The following UBR4 variants were observed in gnomAD, a reference collection of about 807,000 sequenced individuals.
The protein encoded by UBR4 is E3 ubiquitin-protein ligase UBR4.
In UBR4, 124 loss-of-function variants were observed where a neutral mutation model predicts 575.6. The ratio of observed to expected loss-of-function variants is 0.22; its 90% confidence interval spans 0.19 to 0.25. The LOEUF (loss-of-function observed/expected upper bound fraction) is 0.25. UBR4 is among the 10% of genes least tolerant of loss of function. The probability of loss-of-function intolerance (pLI) is 1.00; values close to 1 mark genes in which losing one functional copy is unlikely to be tolerated. For synonymous variants in UBR4, 2,455 were observed against 2,473.7 expected (o/e 0.99, Z 0.22); for missense variants, 4,818 against 6,478.8 (o/e 0.74, Z 8.80).
At chr1:19,119,744 C>A (rs777639308) in intron 69 of UBR4, 43 bp from the exon 70 acceptor site, 1 of 1,580,186 alleles carries the variant, frequency 6.3e-7, no homozygotes, top group East Asian at 2.3e-5. Context: ...AGCAGAAAAC[C>A]CTGAGGCACC....
Position 19,161,162 on chromosome 1 carries a change from T to G in UBR4, c.5176-15A>C. On this transcript the variant is annotated splice_polypyrimidine_tract_variant and intron_variant, in intron 37 of 105. Coordinates refer to ENST00000375254, the MANE Select transcript of UBR4 (RefSeq NM_020765.3). ...TTCACCAGAGCCTAGGGACAGAAAA[T>G]GTCAGAGTCCCTAAGTTCTTGCCTC... is the stretch of plus-strand genomic sequence containing the variant. The G allele has an allele frequency of 6.2e-7, 1 of 1,610,580 alleles. No homozygotes were observed. The highest frequency in any genetic ancestry group is 8.5e-7 in the Non-Finnish European group (1 of 1,178,036).
At chr1:19,104,392 C>G in intron 86 of UBR4, 135 bp from the exon 87 acceptor site, 1 of 1,241,492 alleles carries the variant, frequency 8.1e-7, no homozygotes, top group South Asian at 1.5e-5. Flanking sequence ...AGGTGTTCAA[C>G]AAGCGGAAAC....
At chr1:19,174,468 G>A (rs755766606) in intron 21 of UBR4, 21 bp from the exon 22 acceptor site, 3 of 1,603,450 alleles carry the variant, frequency 1.9e-6, no homozygotes, top group Non-Finnish European at 2.5e-6. Flanking sequence ...GAAAGAAAGA[G>A]AGTCATTTCC....
At chr1:19,096,779 C>A in intron 91 of UBR4, 129 bp from the exon 92 acceptor site, 1 of 1,362,398 alleles carries the variant, frequency 7.3e-7, no homozygotes, top group East Asian at 2.4e-5. Context: ...AATAAAGACA[C>A]GGCCAATAAA....
At position 19,088,858 on chromosome 1, in the gene UBR4, T is replaced by A; in HGVS notation, c.14331A>T (p.Val4777=). ...TGCGGGCTGCGTCAATCTTCTTGTTTACGTCAGGGTGTTCCCGCAGGGCTT... is the reference window on the plus strand; with the variant it reads ...TGCGGGCTGCGTCAATCTTCTTGTTAACGTCAGGGTGTTCCCGCAGGGCTT... The part of the protein sequence containing the change: ...LLEALREHPD[V]NKKIDAARRE... Residue 4777 remains valine (V), a synonymous_variant, in exon 98 of 106, where the codon GTA becomes GTT. Transcript: ENST00000375254. This position sits in a 1 kb window ranked among gnomAD's most constrained non-coding sequence, Gnocchi z 4.0. 1.2e-6 allele frequency: 2 copies of A among 1,614,228 alleles called. No homozygotes were observed. The highest frequency in any genetic ancestry group is 1.7e-6 in the Non-Finnish European group (2 of 1,180,038).
chr1:19,082,016 T>C, intron 102 of UBR4: 1 of 569,368 alleles, frequency 1.8e-6, no homozygotes, highest in Non-Finnish European at 3.1e-6. Context: ...GTCCACAGCC[T>C]GACTCCCCCT....
intron 39 of UBR4, among the ~76,000 whole-genome samples, chr1:19,159,264 G>C (rs898331369): frequency 6.6e-6 from 1 of 152,094 alleles, no homozygotes; most frequent in Admixed American, 6.5e-5. Context: ...TGCTAAAAAA[G>C]GCCAGGAAGG....
Position 19,155,071 on chromosome 1 carries a change from C to CT in UBR4, c.6304dup (p.Ser2102LysfsTer2). 6.2e-7 allele frequency: 1 copy of CT among 1,613,752 alleles called. No individual in the cohort carries two copies. Among genetic ancestry groups the CT allele is most frequent in the Non-Finnish European group, 8.5e-7 (1 of 1,179,934 alleles). The stretch of plus-strand genomic sequence containing the variant: ...ACCACCGCCCGCCACCTGGCTGTTA[C>CT]TGTCCTGCTGGCACAAAGACACATA... On this transcript the variant is annotated frameshift_variant, in exon 44 of 106. Coordinates refer to ENST00000375254, the MANE Select transcript of UBR4 (RefSeq NM_020765.3). LOFTEE classifies it high-confidence loss of function.
chr1:19,142,860 G>A lies in UBR4; in HGVS notation c.8180-1083C>T, dbSNP rs192928040. 8.5e-4 allele frequency among the ~76,000 whole-genome samples: 130 copies of A among 152,242 alleles called. 1 individual carries two copies. Among genetic ancestry groups the A allele is most frequent in the East Asian group, 7.9e-3 (41 of 5,182 alleles). ...AAGTACAGGCCGAGCAGTGGCTCGC[G>A]CCTATAATCCTAGCACTTTGGGAGG... On this transcript the variant is annotated intron_variant, in intron 55 of 105. Coordinates refer to ENST00000375254, the MANE Select transcript of UBR4 (RefSeq NM_020765.3).
chr1:19,197,472 T>C (rs1047651654), intron 7 of UBR4, among the ~76,000 whole-genome samples, 198 bp downstream of exon 7: 1 of 151,868 alleles, frequency 6.6e-6, no homozygotes, highest in African/African-American at 2.4e-5. Context: ...CTACAAAAAA[T>C]ACAAAAATTA....
chr1:19,208,475 A>AAG (rs1299980778), intron 1 of UBR4, among the ~76,000 whole-genome samples: 3 of 151,174 alleles, frequency 2.0e-5, no homozygotes, highest in African/African-American at 4.9e-5. Flanking sequence ...TCAAAAAAAA[A>AAG]AAAAAAAAAA....
At position 19,169,505 on chromosome 1, in the gene UBR4, G is replaced by A. The variant is rs750442140; in HGVS notation, c.3671C>T (p.Ser1224Leu). The A allele has an allele frequency of 7.4e-6, 12 of 1,613,652 alleles. No individual in the cohort carries two copies. Among genetic ancestry groups the A allele is most frequent in the Non-Finnish European group, 1.0e-5 (12 of 1,179,896 alleles). ...GGACTCACACACAGTCTGCACTGAC[G>A]ATGGCAAATTCTGAACCAGTGTCGG... The part of the protein sequence containing the change: ...LGPTLVQNLP[S>L]SVQTVCESWN... Residue 1224 changes from serine (S) to leucine (L), a missense_variant, in exon 27 of 106, where the codon TCG (serine) becomes TTG (leucine). Ser to Leu is a moderately radical substitution (Grantham distance 145). Transcript: ENST00000375254.
In UBR4 at chr1:19,145,836, T is replaced by G. The variant is rs139594682; in HGVS notation, c.7902A>C (p.Ala2634=). 1 of 1,614,232 alleles carries G rather than the reference T, an allele frequency of 6.2e-7. No individual in the cohort carries two copies. Among genetic ancestry groups the G allele is most frequent in the Non-Finnish European group, 8.5e-7 (1 of 1,180,038 alleles). ...CCAAGAAGGCATTCTTGGGTTTGGA[T>G]GCATGGAGTTTCCAGAAGTGGTTCA... ...QLVNHFWKLH[A]SKPKNAFLAP... Residue 2634 remains alanine, a synonymous_variant, in exon 53 of 106, where the codon GCA becomes GCC. Transcript: ENST00000375254.
intron 105 of UBR4, among the ~76,000 whole-genome samples, chr1:19,075,922 T>TA (rs1441663486): frequency 1.3e-5 from 2 of 151,876 alleles, no homozygotes; most frequent in African/African-American, 2.4e-5. Flanking sequence ...AACAAGATCA[T>TA]AAAAAAGAGC....
intron 48 of UBR4, 45 bp from the exon 49 acceptor site, chr1:19,150,838 A>T (rs751130089): frequency 3.9e-5 from 63 of 1,598,150 alleles, no homozygotes; most frequent in Non-Finnish European, 5.2e-5. Context: ...TTCTCTAAAA[A>T]GCCACCCCTC....
At chr1:19,180,281 C>T (rs970870296) in intron 17 of UBR4, among the ~76,000 whole-genome samples, 4 of 152,056 alleles carry the variant, frequency 2.6e-5, no homozygotes, top group East Asian at 1.9e-4. Context: ...CTCCACCTCC[C>T]GGATTCAAGC....
chr1:19,145,456 T>A (rs1186351415), intron 53 of UBR4, among the ~76,000 whole-genome samples: 1 of 151,104 alleles, frequency 6.6e-6, no homozygotes, highest in African/African-American at 2.4e-5. Context: ...CCTTTTGAGC[T>A]GGCTTTAAGC....
At chr1:19,078,222 G>T in intron 103 of UBR4, 156 bp from the exon 104 acceptor site, 1 of 678,904 alleles carries the variant, frequency 1.5e-6, no homozygotes, top group African/African-American at 1.8e-5. Flanking sequence ...GCAGCTGTGG[G>T]CAAGAACCTC....
chr1:19,144,814 T>A lies in UBR4; in HGVS notation c.8039A>T (p.Lys2680Met). The change falls in exon 54 of 106, where the codon AAG (lysine) becomes ATG (methionine). Residue 2680 changes from lysine (K) to methionine (M), a missense_variant. Around this residue, in one of 29 missense-constraint regions of UBR4, gnomAD observed 340 missense variants for 375.4 expected, o/e 0.91. Transcript: ENST00000375254. ...ACACAAGAGCATCTGCATGTAGATCTTGGATGCTGTGTTAATACAATCCAG... is the reference window on the plus strand; with the variant it reads ...ACACAAGAGCATCTGCATGTAGATCATGGATGCTGTGTTAATACAATCCAG... ...CELDCINTASKIYMQMLLCPD... is the reference protein window; with the variant it reads ...CELDCINTASMIYMQMLLCPD... 6.2e-7 allele frequency: 1 copy of A among 1,614,150 alleles called. No individual in the cohort carries two copies. Among genetic ancestry groups the A allele is most frequent in the Admixed American group, 1.7e-5 (1 of 60,024 alleles).
Sources: allele counts gnomAD v4.1 joint callset (sites outside exome capture counted in the v4.1 genomes callset), GRCh38; gene constraint gnomAD v4.1.1; regional missense constraint gnomAD v4.1.1; non-coding constraint Gnocchi (gnomAD v3.1); transcripts MANE v1.5; gene names NCBI Gene and HGNC (gene_info 2026-07-23, HGNC 2026-07-21).